The following FBXO25 variants were observed in gnomAD, a reference collection of about 807,000 sequenced individuals.
The protein encoded by FBXO25 is F-box protein 25, also known as F-box only protein 25.
In FBXO25, 45 loss-of-function variants were observed where a neutral mutation model predicts 51.9. That is an observed-to-expected ratio of 0.87 (90% CI 0.68 to 1.11). The LOEUF (loss-of-function observed/expected upper bound fraction) is 1.11. Ranked by LOEUF, FBXO25 falls within the 50% of genes most tolerant of loss-of-function variation. The pLI is 0.00. For missense variants in FBXO25, 507 were observed against 428.5 expected, an observed-to-expected ratio of 1.18 and a Z score of -1.62; for synonymous variants, 199 against 151.0, an observed-to-expected ratio of 1.32 and a Z score of -2.33.
At chr8:453,707 G>C (rs1799240841) in intron 7 of FBXO25, among the ~76,000 whole-genome samples, 2 of 152,160 alleles carry the variant, frequency 1.3e-5, no homozygotes. Context: ...CCGGATCCCT[G>C]AGAGTGGAAG....
At chr8:465,404 A>G (rs1183114527) in intron 9 of FBXO25, among the ~76,000 whole-genome samples, 3 of 152,188 alleles carry the variant, frequency 2.0e-5, no homozygotes, top group Non-Finnish European at 4.4e-5. Context: ...ACAAGCAATG[A>G]TACTTTTATA....
intron 7 of FBXO25, 56 bp from the exon 8 acceptor site, chr8:458,313 G>C (rs564601138): frequency 1.3e-6 from 2 of 1,566,482 alleles, no homozygotes; most frequent in South Asian, 2.3e-5. Context: ...TTCAGTTACT[G>C]TGTGAACAAA....
chr8:463,212 C>T, intron 9 of FBXO25, 62 bp downstream of exon 9: 1 of 1,548,856 alleles, frequency 6.5e-7, no homozygotes, highest in South Asian at 1.2e-5. Context: ...AAACTAATCA[C>T]CTATATTTTA....
At chr8:416,291 T>G (rs1042060319) in intron 2 of FBXO25, among the ~76,000 whole-genome samples, 1 of 152,202 alleles carries the variant, frequency 6.6e-6, no homozygotes, top group Non-Finnish European at 1.5e-5. Flanking sequence ...ACATACTCCT[T>G]CCCCATCTTT....
chr8:414,922 T>C (rs1276206573), intron 2 of FBXO25, among the ~76,000 whole-genome samples: 7 of 152,210 alleles, frequency 4.6e-5, no homozygotes, highest in African/African-American at 1.4e-4. Context: ...CTTTTGTCCG[T>C]TCCTACCAAA....
rs149872504 is a variant in FBXO25, at chr8:446,067, C to T, written c.382-3923C>T. On this transcript the variant is annotated intron_variant, in intron 5 of 9. Coordinates refer to ENST00000350302, the MANE Select transcript of FBXO25 (RefSeq NM_183420.2). ...TGGTGGGATGGAGGGGATTATTCCTCATCTCTCCTGAGTTCAGTCTTCTGT... is the reference window on the plus strand; with the variant it reads ...TGGTGGGATGGAGGGGATTATTCCTTATCTCTCCTGAGTTCAGTCTTCTGT... Among the ~76,000 whole-genome samples the T allele has an allele frequency of 4.6e-3, 704 of 152,198 alleles. 4 individuals carry two copies. Among genetic ancestry groups the T allele is most frequent in the African/African-American group, 0.013 (531 of 41,504 alleles).
intron 2 of FBXO25, among the ~76,000 whole-genome samples, chr8:416,848 CAGAT>C (rs1403451029): frequency 6.6e-6 from 1 of 152,162 alleles, no homozygotes; most frequent in Non-Finnish European, 1.5e-5. Flanking sequence ...TCTGGTGAAA[CAGAT>C]AGGCAGTGGA....
At chr8:428,404 G>A (rs770243901) in intron 2 of FBXO25, among the ~76,000 whole-genome samples, 14 of 152,156 alleles carry the variant, frequency 9.2e-5, no homozygotes, top group Middle Eastern at 3.4e-3. Flanking sequence ...GTTGTATAAC[G>A]TTCTATTCTT....
chr8:463,918 A>G (rs967331164), intron 9 of FBXO25, among the ~76,000 whole-genome samples: 2 of 152,020 alleles, frequency 1.3e-5, no homozygotes, highest in African/African-American at 2.4e-5. Flanking sequence ...CCTCTCAAGT[A>G]GCTGGGACTA....
intron 2 of FBXO25, chr8:420,552 T>G (rs1797085106): frequency 2.0e-5 from 3 of 152,206 alleles, no homozygotes; most frequent in African/African-American, 7.2e-5. Flanking sequence ...AACTGGTGAA[T>G]GAATAAACAA....
At chr8:426,643 T>C (rs917018742) in intron 2 of FBXO25, among the ~76,000 whole-genome samples, 1 of 151,784 alleles carries the variant, frequency 6.6e-6, no homozygotes, top group Non-Finnish European at 1.5e-5. Context: ...TGCCCTTTGA[T>C]AGGTTTGCGG....
intron 5 of FBXO25, among the ~76,000 whole-genome samples, chr8:446,387 G>C (rs146726240): frequency 1.8e-4 from 28 of 152,316 alleles, no homozygotes; most frequent in African/African-American, 5.8e-4. Context: ...TAGTGCTGTA[G>C]GGCAAGAAGC....
At chr8:453,108 C>T (rs1247079000) in intron 7 of FBXO25, among the ~76,000 whole-genome samples, 4 of 152,118 alleles carry the variant, frequency 2.6e-5, no homozygotes, top group Non-Finnish European at 4.4e-5. Flanking sequence ...TCTGCCTCAG[C>T]ACAGAAGGAT....
chr8:451,569 C>T (rs956479676), intron 7 of FBXO25, 116 bp downstream of exon 7: 11 of 952,148 alleles, frequency 1.2e-5, no homozygotes, highest in Non-Finnish European at 1.5e-5. Flanking sequence ...CTAATGCTTT[C>T]ATAAGTATTC....
chr8:426,367 A>T (rs1437917498), intron 2 of FBXO25, among the ~76,000 whole-genome samples: 1 of 152,070 alleles, frequency 6.6e-6, no homozygotes, highest in Non-Finnish European at 1.5e-5. Context: ...TACTGAACCT[A>T]TTCTATTCTG....
intron 2 of FBXO25, among the ~76,000 whole-genome samples, chr8:414,866 C>G (rs1434272104): frequency 6.6e-6 from 1 of 152,184 alleles, no homozygotes; most frequent in Non-Finnish European, 1.5e-5. Context: ...GTACTGGGAT[C>G]CCCCGCCCTG....
intron 5 of FBXO25, among the ~76,000 whole-genome samples, chr8:441,995 C>A (rs1798454083): frequency 6.6e-6 from 1 of 152,112 alleles, no homozygotes; most frequent in Non-Finnish European, 1.5e-5. Flanking sequence ...CCCAGCAATC[C>A]CACATGACAT....
chr8:466,715 C>G (rs1234572541), intron 9 of FBXO25, among the ~76,000 whole-genome samples: 1 of 152,162 alleles, frequency 6.6e-6, no homozygotes, highest in East Asian at 1.9e-4. Context: ...TGCTCCCAAG[C>G]TGGTTTCCCA....
intron 8 of FBXO25, among the ~76,000 whole-genome samples, chr8:459,035 G>T (rs1799637307): frequency 6.6e-6 from 1 of 152,176 alleles, no homozygotes; most frequent in African/African-American, 2.4e-5. Context: ...GGCAGCAGAA[G>T]GTGTGTTCTG....
Sources: gnomAD v4.1 joint callset for allele counts (sites outside exome capture counted in the v4.1 genomes callset) on GRCh38, gnomAD v4.1.1 for gene constraint, MANE v1.5 for transcripts, NCBI Gene and HGNC (gene_info 2026-07-23, HGNC 2026-07-21) for gene names.